STAG2: variants seen among roughly 807,000 people sequenced by gnomAD.
STAG2 encodes the protein cohesin subunit SA-2.
Under a neutral mutation model 108.1 loss-of-function variants are expected in STAG2, and 14 were observed. The ratio of observed to expected loss-of-function variants is 0.13; its 90% CI spans 0.09 to 0.20. STAG2 has a LOEUF of 0.20. Among genes scored for constraint, STAG2 ranks in the 10% least tolerant of loss-of-function variants. The pLI is 1.00. For synonymous variants in STAG2, 307 were observed against 302.7 expected (o/e 1.01, Z -0.15); for missense variants, 440 against 940.9 (o/e 0.47, Z 6.96).
chrX:123,995,587 G>A (rs953217438), intron 1 of STAG2, among the ~76,000 whole-genome samples: 2 of 110,510 alleles, frequency 1.8e-5, no homozygotes, highest in Non-Finnish European at 1.9e-5. Context: ...CCAGCTACTC[G>A]GGAGGCTGAG....
intron 6 of STAG2, among the ~76,000 whole-genome samples, chrX:124,039,871 T>G (rs1469619843): frequency 9.1e-6 from 1 of 110,163 alleles, no homozygotes; most frequent in African/African-American, 3.3e-5. Context: ...AATTCATTCC[T>G]TTTTTGGCAT....
intron 5 of STAG2, among the ~76,000 whole-genome samples, chrX:124,037,009 G>A (rs1005969747): frequency 1.8e-5 from 2 of 109,630 alleles, no homozygotes; most frequent in African/African-American, 3.3e-5. Context: ...CCTCAGCCTC[G>A]CGAGTAGTTG....
At chrX:124,042,679 T>C (rs1206010558) in intron 7 of STAG2, 34 bp downstream of exon 7, 7 of 958,120 alleles carry the variant, frequency 7.3e-6, no homozygotes, top group African/African-American at 1.9e-5. Context: ...TGATAACTTA[T>C]GCATGTTTAT....
intron 13 of STAG2, among the ~76,000 whole-genome samples, chrX:124,051,832 C>T (rs1380590988): frequency 2.7e-5 from 3 of 111,743 alleles, no homozygotes; most frequent in Admixed American, 9.5e-5. Flanking sequence ...CCTCGTGATC[C>T]GCCCGCCTTG....
chrX:124,051,313 A>T lies in STAG2; in HGVS notation c.1117-2A>T. 1 of 1,188,929 alleles carries T rather than the reference A, an allele frequency of 8.4e-7. No individual in the cohort carries two copies. The highest frequency in any genetic ancestry group is 1.1e-6 in the Non-Finnish European group (1 of 884,358). On this transcript the variant is annotated splice_acceptor_variant, in intron 12 of 34. Transcript: ENST00000371145. LOFTEE classifies it high-confidence loss of function. ...AAAATATTTTAATTTTTTTGTCCTT[A>T]GGATAGAATTGTGTCTATGACCCTT...
Position 124,022,538 on chromosome X carries a change from C to A in STAG2, c.-90C>A. 2.8e-6 allele frequency: 2 copies of A among 715,111 alleles called. No individual in the cohort carries two copies. The highest frequency in any genetic ancestry group is 4.2e-6 in the Non-Finnish European group (2 of 478,623). 58.9% of individuals were successfully genotyped at this position (715,111 alleles called of 1,213,427 possible). On this transcript the variant is annotated 5_prime_UTR_variant, in exon 3 of 35. Coordinates refer to ENST00000371145, the MANE Select transcript of STAG2 (RefSeq NM_001042750.2). Reference sequence around the variant, plus strand: ...ATTTTCTCCTTTTTAAAGGAATTGTCTTAGAAGAAAGAAGGCAAGCCACCA... The same window carrying A: ...ATTTTCTCCTTTTTAAAGGAATTGTATTAGAAGAAAGAAGGCAAGCCACCA...
chrX:124,096,913 T>G (rs1485268220), intron 34 of STAG2, among the ~76,000 whole-genome samples: 1 of 112,517 alleles, frequency 8.9e-6, no homozygotes, highest in Non-Finnish European at 1.9e-5. Flanking sequence ...GCTCAGTGGC[T>G]CATGCCTGTA....
chrX:124,019,220 C>G (rs2056842802), intron 1 of STAG2, among the ~76,000 whole-genome samples: 1 of 109,178 alleles, frequency 9.2e-6, no homozygotes. Flanking sequence ...GCCACCACGC[C>G]TGGCTAATTT....
intron 13 of STAG2, 105 bp from the exon 14 acceptor site, chrX:124,056,023 A>G (rs191881407): frequency 1.5e-4 from 64 of 428,894 alleles, no homozygotes; most frequent in Admixed American, 1.2e-3. Context: ...ACACAAATTC[A>G]TGAAACTTTA....
intron 34 of STAG2, among the ~76,000 whole-genome samples, chrX:124,100,246 T>C (rs1478601712): frequency 1.8e-5 from 2 of 111,716 alleles, no homozygotes; most frequent in Admixed American, 9.6e-5. Context: ...AGCACATTCA[T>C]TTATTCATTT....
At chrX:124,038,159 T>G (rs1777156910) in intron 6 of STAG2, among the ~76,000 whole-genome samples, 1 of 112,371 alleles carries the variant, frequency 8.9e-6, no homozygotes, top group Non-Finnish European at 1.9e-5. Flanking sequence ...TTAAAAATAT[T>G]TTGAACTGGG....
intron 24 of STAG2, among the ~76,000 whole-genome samples, chrX:124,069,572 A>G (rs1013060623): frequency 1.8e-5 from 2 of 111,688 alleles, no homozygotes; most frequent in African/African-American, 6.5e-5. Flanking sequence ...ACATATTTGG[A>G]TTTTTATAGT....
At chrX:123,979,116 GT>G (rs2054758460) in intron 1 of STAG2, among the ~76,000 whole-genome samples, 2 of 111,598 alleles carry the variant, frequency 1.8e-5, no homozygotes, top group African/African-American at 6.5e-5. Flanking sequence ...GCTCAAATAG[GT>G]TTTTACTTTG....
At position 123,975,052 on chromosome X, in the gene STAG2, G is replaced by A. The variant is rs143241361; in HGVS notation, c.-163+13196G>A. On this transcript the variant is annotated intron_variant, in intron 1 of 34. Transcript: ENST00000371145. Reference sequence around the variant, plus strand: ...AAGGGTAATTTTTACAGTCACCAGTGTGTCTACTGCCTTGTACCTAATTTG... The same window carrying A: ...AAGGGTAATTTTTACAGTCACCAGTATGTCTACTGCCTTGTACCTAATTTG... 3.7e-3 allele frequency among the ~76,000 whole-genome samples: 409 copies of A among 111,501 alleles called. 3 individuals carry two copies. The highest frequency in any genetic ancestry group is 0.013 in the African/African-American group (398 of 30,705).
chrX:124,062,657 T>C (rs1195246825), intron 17 of STAG2, among the ~76,000 whole-genome samples: 1 of 112,021 alleles, frequency 8.9e-6, no homozygotes, highest in Non-Finnish European at 1.9e-5. Flanking sequence ...GTTAGTCTTA[T>C]TGGATATTGA....
chrX:123,964,128 G>A (rs889382983), intron 1 of STAG2, among the ~76,000 whole-genome samples: 1 of 110,275 alleles, frequency 9.1e-6, no homozygotes, highest in African/African-American at 3.3e-5. Flanking sequence ...TTTTGCAGTA[G>A]AATTTCCAGA....
At chrX:124,090,111 A>G (rs2059214465) in intron 30 of STAG2, among the ~76,000 whole-genome samples, 1 of 87,961 alleles carries the variant, frequency 1.1e-5, no homozygotes, top group African/African-American at 4.4e-5. Flanking sequence ...CAGTGAGCTG[A>G]GATTGCGCCA....
At position 124,054,951 on chromosome X, in the gene STAG2, G is replaced by A. The variant is rs184777482; in HGVS notation, c.1197-1177G>A. ...AATTTTTTTTTTCTTTCCGTTTTTTGTAGAGATGAGGTCTCATGTTGCCCA... is the reference window on the plus strand; with the variant it reads ...AATTTTTTTTTTCTTTCCGTTTTTTATAGAGATGAGGTCTCATGTTGCCCA... On this transcript the variant is annotated intron_variant, in intron 13 of 34. Coordinates refer to ENST00000371145, the MANE Select transcript of STAG2 (RefSeq NM_001042750.2). Among the ~76,000 whole-genome samples, 148 of 109,236 alleles carry A rather than the reference G, an allele frequency of 1.4e-3. 1 individual carries two copies. The highest frequency in any genetic ancestry group is 0.012 in the Admixed American group (122 of 10,193). The allele number at this position is 109,236 out of a possible 115,157, so 94.9% of individuals were successfully genotyped here.
chrX:124,022,452 A>T (rs758801938), intron 2 of STAG2, 79 bp from the exon 3 acceptor site: 2 of 389,984 alleles, frequency 5.1e-6, no homozygotes, highest in African/African-American at 5.4e-5. Context: ...GCACTGGGGA[A>T]TTTAACTTTT....
Sources: allele counts gnomAD v4.1 joint callset (sites outside exome capture counted in the v4.1 genomes callset), GRCh38; gene constraint gnomAD v4.1.1; transcripts MANE v1.5; gene names NCBI Gene and HGNC (gene_info 2026-07-23, HGNC 2026-07-21).